SHQ1: variants seen among roughly 807,000 people sequenced by gnomAD.
SHQ1 encodes the protein protein SHQ1 homolog.
In SHQ1, 49 loss-of-function variants were observed where a neutral mutation model predicts 53.8. The ratio of observed to expected loss-of-function variants is 0.91; its 90% confidence interval spans 0.72 to 1.16. The LOEUF is 1.16. Ranked by LOEUF, SHQ1 falls within the 50% of genes most tolerant of loss-of-function variation. The pLI is 0.00. For synonymous variants in SHQ1, 243 were observed against 251.0 expected, an observed-to-expected ratio of 0.97 and a Z score of 0.30; for missense variants, 738 against 683.1, an observed-to-expected ratio of 1.08 and a Z score of -0.90.
chr3:72,811,265 A>G (rs1156260667), intron 9 of SHQ1, among the ~76,000 whole-genome samples: 1 of 152,238 alleles, frequency 6.6e-6, no homozygotes, highest in Non-Finnish European at 1.5e-5. Flanking sequence ...ATAACAGGAT[A>G]ATCGCAAACT....
At chr3:72,778,010 AAACTT>A (rs1705992721) in intron 10 of SHQ1, among the ~76,000 whole-genome samples, 1 of 152,352 alleles carries the variant, frequency 6.6e-6, no homozygotes, top group African/African-American at 2.4e-5. Context: ...GCTAAAAACT[AAACTT>A]GAGATATATG....
chr3:72,770,020 T>C lies in SHQ1; in HGVS notation c.1182-19184A>G, dbSNP rs186133779. ...AGATCATCAAGAGAGATAATCTCTA[T>C]AAAGCACTTAGCACAATGCCTGGTA... On this transcript the variant is annotated intron_variant, in intron 10 of 10. Transcript: ENST00000325599. 5.0e-3 allele frequency among the ~76,000 whole-genome samples: 767 copies of C among 152,330 alleles called. 5 individuals are homozygous for C. The highest frequency in any genetic ancestry group is 7.8e-3 in the Non-Finnish European group (531 of 68,034).
chr3:72,824,110 T>C (rs989203474), intron 6 of SHQ1, among the ~76,000 whole-genome samples: 2 of 152,244 alleles, frequency 1.3e-5, no homozygotes, highest in African/African-American at 4.8e-5. Context: ...AAGCAGGTTA[T>C]TGAGAAACTA....
At chr3:72,812,251 G>A (rs1210227257) in intron 9 of SHQ1, among the ~76,000 whole-genome samples, 2 of 152,074 alleles carry the variant, frequency 1.3e-5, no homozygotes, top group East Asian at 3.9e-4. Flanking sequence ...CACTCTCTTT[G>A]GAATTGCTAA....
intron 10 of SHQ1, among the ~76,000 whole-genome samples, chr3:72,759,145 C>T (rs200971270): frequency 6.6e-6 from 1 of 152,184 alleles, no homozygotes; most frequent in African/African-American, 2.4e-5. Flanking sequence ...GCCCACCCTA[C>T]TCTAGCATGA....
At chr3:72,787,155 C>T (rs1479593354) in intron 10 of SHQ1, among the ~76,000 whole-genome samples, 1 of 152,212 alleles carries the variant, frequency 6.6e-6, no homozygotes, top group East Asian at 1.9e-4. Flanking sequence ...TTTCCCTCTA[C>T]AAACTTCCCA....
At chr3:72,734,805 CGCACTATT>C in the SHQ1 span, among the ~76,000 whole-genome samples, 1 of 151,600 alleles carries the variant, frequency 6.6e-6, no homozygotes, top group East Asian at 1.9e-4. Context: ...CAGGGATCGT[CGCACTATT>C]GCATTTTAAC....
At chr3:72,731,728 G>C in the SHQ1 span, among the ~76,000 whole-genome samples, 2,197 of 151,488 alleles carry the variant, frequency 0.015, 111 homozygotes, top group African/African-American at 0.05. Context: ...CAGTTTGCAG[G>C]CTATACAAAA....
chr3:72,738,936 C>A, the SHQ1 span, among the ~76,000 whole-genome samples: 2 of 152,222 alleles, frequency 1.3e-5, no homozygotes, highest in African/African-American at 2.4e-5. Flanking sequence ...GGAGCTACAC[C>A]CGCTAGTTCA....
In SHQ1 at chr3:72,844,352, ACAATACCT is replaced by A; in HGVS notation, c.207_208+6del. 6.2e-7 allele frequency: 1 copy of A among 1,612,118 alleles called. No individual in the cohort carries two copies. The highest frequency in any genetic ancestry group is 8.5e-7 in the Non-Finnish European group (1 of 1,178,668). On this transcript the variant is annotated splice_donor_variant and splice_donor_5th_base_variant and coding_sequence_variant and intron_variant, in exon 2 of 11. Transcript: ENST00000325599. LOFTEE classifies it high-confidence loss of function. ...AAATAAACTAACAAAAATTCCAAAG[ACAATACCT>A]TTATCTGCATCATAGGACCCTTGCT...
At chr3:72,773,253 G>C in intron 10 of SHQ1, 2 of 679,600 alleles carry the variant, frequency 2.9e-6, no homozygotes. Context: ...GAAGGAGAAT[G>C]AGAAAGAGAC....
At chr3:72,836,223 C>G (rs1707987714) in intron 4 of SHQ1, among the ~76,000 whole-genome samples, 1 of 152,222 alleles carries the variant, frequency 6.6e-6, no homozygotes, top group Admixed American at 6.5e-5. Context: ...GGCATTGTGG[C>G]TCACGCCTGT....
At chr3:72,736,097 T>G in the SHQ1 span, among the ~76,000 whole-genome samples, 1 of 145,414 alleles carries the variant, frequency 6.9e-6, no homozygotes, top group South Asian at 2.2e-4. Flanking sequence ...TGACTAGGCT[T>G]GAGACACCTG....
At chr3:72,813,400 A>T (rs1187914872) in intron 8 of SHQ1, among the ~76,000 whole-genome samples, 1 of 144,310 alleles carries the variant, frequency 6.9e-6, no homozygotes, top group Admixed American at 7.1e-5. Flanking sequence ...TGGGAGGCAG[A>T]GGCTGCAGTG....
intron 8 of SHQ1, chr3:72,814,527 A>C (rs1488458526): frequency 6.6e-6 from 1 of 152,220 alleles, no homozygotes; most frequent in African/African-American, 2.4e-5. Flanking sequence ...TATATGAAGT[A>C]AGTGTTTCAG....
intron 4 of SHQ1, among the ~76,000 whole-genome samples, chr3:72,836,534 CT>C (rs1488019316): frequency 1.3e-5 from 2 of 152,110 alleles, no homozygotes; most frequent in African/African-American, 4.8e-5. Flanking sequence ...CCTCTTCCCC[CT>C]GGCCTCCAGA....
At chr3:72,840,926 A>T in intron 4 of SHQ1, 119 bp downstream of exon 4, 1 of 1,215,676 alleles carries the variant, frequency 8.2e-7, no homozygotes, top group Non-Finnish European at 1.2e-6. Context: ...TAAGTGCTTT[A>T]AATACAATCA....
Position 72,754,387 on chromosome 3 carries a change from T to C in SHQ1, c.1182-3551A>G, listed in dbSNP as rs1199572528. Reference sequence around the variant, plus strand: ...TTCTTCTCTTCTTTTTCTTCTTCTTTTTTTTTTTTTTGAGATGGATTTTCA... The same window carrying C: ...TTCTTCTCTTCTTTTTCTTCTTCTTCTTTTTTTTTTTGAGATGGATTTTCA... On this transcript the variant is annotated intron_variant, in intron 10 of 10. Transcript: ENST00000325599. 3.4e-5 allele frequency among the ~76,000 whole-genome samples: 5 copies of C among 146,556 alleles called. No homozygotes were observed. In the South Asian group the frequency reaches 6.3e-4, roughly 18 times the overall value.
chr3:72,787,663 T>C (rs917056837), intron 10 of SHQ1, among the ~76,000 whole-genome samples: 1 of 152,204 alleles, frequency 6.6e-6, no homozygotes, highest in African/African-American at 2.4e-5. Context: ...GAATGGTATG[T>C]GCAGTATTGC....
Sources: gnomAD v4.1 joint callset for allele counts (sites outside exome capture counted in the v4.1 genomes callset) on GRCh38, gnomAD v4.1.1 for gene constraint, MANE v1.5 for transcripts, NCBI Gene and HGNC (gene_info 2026-07-23, HGNC 2026-07-21) for gene names.